The following PKHD1L1 variants were observed in gnomAD, a reference collection of about 807,000 sequenced individuals.
The protein encoded by PKHD1L1 is PKHD1 like 1, also known as fibrocystin-L.
PKHD1L1 carries 434 observed loss-of-function variants against 462.9 expected under a neutral mutation model. That is an observed-to-expected ratio of 0.94 (90% CI 0.87 to 1.02). The LOEUF is 1.02. Among genes scored for constraint, PKHD1L1 ranks in the 50% least tolerant of loss-of-function variants. The probability of loss-of-function intolerance (pLI) is 0.00; values close to 1 mark genes in which losing one functional copy is unlikely to be tolerated. For missense variants in PKHD1L1, 5,202 were observed against 5,096.1 expected, an observed-to-expected ratio of 1.02 and a Z score of -0.63; for synonymous variants, 1,781 against 1,750.0, an observed-to-expected ratio of 1.02 and a Z score of -0.44.
At chr8:109,439,900 A>C (rs1471706195) in intron 32 of PKHD1L1, among the ~76,000 whole-genome samples, 2 of 152,144 alleles carry the variant, frequency 1.3e-5, no homozygotes, top group Admixed American at 6.6e-5. Context: ...GAGCAACATT[A>C]AACATAAACC....
rs148140248 is a variant in PKHD1L1, at chr8:109,527,558, T to C, written c.12721+538T>C. Among the ~76,000 whole-genome samples, 142 of 152,274 alleles carry C rather than the reference T, an allele frequency of 9.3e-4. 2 individuals are homozygous for C. In the East Asian group the frequency reaches 0.026, roughly 28 times the overall value. On this transcript the variant is annotated intron_variant, in intron 77 of 77. Coordinates refer to ENST00000378402, the MANE Select transcript of PKHD1L1 (RefSeq NM_177531.6). ...ATAAATAAATAATGTGAAACAAAAG[T>C]GCAGGTCATATCAGAACTCTTTTTG... is the stretch of plus-strand genomic sequence containing the variant.
chr8:109,445,453 A>G lies in PKHD1L1; in HGVS notation c.5584A>G (p.Thr1862Ala), dbSNP rs925947378. 1.2e-6 allele frequency: 2 copies of G among 1,614,028 alleles called. No individual in the cohort carries two copies. Among genetic ancestry groups the G allele is most frequent in the Non-Finnish European group, 1.7e-6 (2 of 1,179,904 alleles). ...TGNGFYPGNT[T>A]VTIGDEPCQI... ...AAATGGCTTCTATCCAGGCAACACT[A>G]CAGTCACTATTGGGGATGAACCTTG... Residue 1862 changes from threonine to alanine, a missense_variant, in exon 38 of 78, where the codon ACA becomes GCA. Coordinates refer to ENST00000378402, the MANE Select transcript of PKHD1L1 (RefSeq NM_177531.6).
intron 5 of PKHD1L1, 34 bp from the exon 6 acceptor site, chr8:109,385,503 A>G: frequency 6.4e-6 from 9 of 1,416,678 alleles, no homozygotes; most frequent in Non-Finnish European, 7.8e-6. Flanking sequence ...ATTTTCTTAC[A>G]CAGAATCTTT....
chr8:109,375,413 T>C (rs1312539763), intron 2 of PKHD1L1, among the ~76,000 whole-genome samples: 2 of 152,194 alleles, frequency 1.3e-5, no homozygotes, highest in Non-Finnish European at 2.9e-5. Flanking sequence ...TAATTTTTTT[T>C]CAAGGTTTTT....
intron 71 of PKHD1L1, 99 bp downstream of exon 71, chr8:109,511,033 C>A (rs1819948876): frequency 7.5e-7 from 1 of 1,326,394 alleles, no homozygotes; most frequent in Admixed American, 2.2e-5. Context: ...ACATTGTCAG[C>A]CTTACAGCTC....
Position 109,451,055 on chromosome 8 carries a change from G to C in PKHD1L1, c.6256G>C (p.Ala2086Pro). Residue 2086 changes from alanine (A) to proline (P), a missense_variant, in exon 41 of 78, where the codon GCA (alanine) becomes CCA (proline). Physicochemically the swap from Ala to Pro is conservative, Grantham distance 27. This residue lies in a region of PKHD1L1 where 4,497 missense variants were observed against 4,336.8 expected (regional missense o/e 1.04). Transcript: ENST00000378402. ...ACAGTCCATGACTCCGTTTACGTACGCAGTGTCACTGACTCCACTCATCAC... is the reference window on the plus strand; with the variant it reads ...ACAGTCCATGACTCCGTTTACGTACCCAGTGTCACTGACTCCACTCATCAC... ...LSQSMTPFTY[A>P]VSLTPLITAV... 6.2e-7 allele frequency: 1 copy of C among 1,613,792 alleles called. No homozygotes were observed. The highest frequency in any genetic ancestry group is 1.1e-5 in the South Asian group (1 of 91,036).
intron 2 of PKHD1L1, among the ~76,000 whole-genome samples, chr8:109,374,104 G>C (rs999990418): frequency 1.3e-5 from 2 of 152,026 alleles, no homozygotes; most frequent in African/African-American, 4.8e-5. Context: ...ACAGTGGGGT[G>C]TTAGACTCCC....
In PKHD1L1 at chr8:109,401,329, T is replaced by A. The variant is rs111864045; in HGVS notation, c.1282-168T>A. On this transcript the variant is annotated intron_variant, in intron 13 of 77. Transcript: ENST00000378402. ...GTGAACTTTGATAATTTAAAAAAAATTTATAGCATAGTAGATAACAGATCT... is the reference window on the plus strand; with the variant it reads ...GTGAACTTTGATAATTTAAAAAAAAATTATAGCATAGTAGATAACAGATCT... 1.7e-3 allele frequency among the ~76,000 whole-genome samples: 252 copies of A among 152,098 alleles called. 1 individual carries two copies. The highest frequency in any genetic ancestry group is 5.2e-3 in the African/African-American group (216 of 41,518).
intron 2 of PKHD1L1, among the ~76,000 whole-genome samples, chr8:109,377,750 A>G (rs544630570): frequency 3.3e-5 from 5 of 152,276 alleles, no homozygotes; most frequent in Admixed American, 6.5e-5. Flanking sequence ...TACCTTTTTA[A>G]CATTTTTATT....
intron 43 of PKHD1L1, among the ~76,000 whole-genome samples, chr8:109,453,111 A>G (rs1006376350): frequency 6.6e-6 from 1 of 152,214 alleles, no homozygotes; most frequent in African/African-American, 2.4e-5. Context: ...AATAGATTGC[A>G]TGCATATGGG....
chr8:109,446,743 A>T (rs985010570), intron 38 of PKHD1L1, among the ~76,000 whole-genome samples: 65 of 150,308 alleles, frequency 4.3e-4, no homozygotes, highest in Non-Finnish European at 7.7e-4. Flanking sequence ...CTGCCTTTGA[A>T]TTTTTTTTTT....
At chr8:109,472,545 C>T (rs1817775898) in intron 50 of PKHD1L1, among the ~76,000 whole-genome samples, 1 of 151,982 alleles carries the variant, frequency 6.6e-6, no homozygotes, top group African/African-American at 2.4e-5. Flanking sequence ...CTGTGAATAC[C>T]TAGAGGGCCA....
chr8:109,498,177 C>T (rs1315318953), intron 65 of PKHD1L1, among the ~76,000 whole-genome samples: 1 of 49,292 alleles, frequency 2.0e-5, no homozygotes, highest in Non-Finnish European at 3.7e-5. Context: ...TCTCGGCTCA[C>T]TGCAAGCTCC....
At chr8:109,454,663 A>G in intron 44 of PKHD1L1, 60 bp from the exon 45 acceptor site, 1 of 1,590,552 alleles carries the variant, frequency 6.3e-7, no homozygotes, top group East Asian at 2.2e-5. Context: ...CTTTTGTGTG[A>G]TTAGAATTGT....
intron 11 of PKHD1L1, 106 bp downstream of exon 11, chr8:109,396,243 T>G: frequency 1.2e-6 from 1 of 803,484 alleles, no homozygotes; most frequent in South Asian, 1.8e-5. Flanking sequence ...ATGCCTTCAA[T>G]TGGAAGCTGA....
chr8:109,366,691 A>AT (rs373076991), intron 2 of PKHD1L1, among the ~76,000 whole-genome samples: 14,320 of 137,576 alleles, frequency 0.1, 1,396 homozygotes, highest in African/African-American at 0.26. Flanking sequence ...TGTGGTTATG[A>AT]TTTTTTTTTT....
At chr8:109,429,212 G>A (rs1814943489) in intron 25 of PKHD1L1, 128 bp from the exon 26 acceptor site, 1 of 848,544 alleles carries the variant, frequency 1.2e-6, no homozygotes, top group Non-Finnish European at 1.7e-6. Context: ...TGACTACAAT[G>A]GTTTTGAATT....
chr8:109,534,367 G>A lies in PKHD1L1; in HGVS notation c.*4277G>A, dbSNP rs762802017. On this transcript the variant is annotated 3_prime_UTR_variant, in exon 78 of 78. Transcript: ENST00000378402. The stretch of plus-strand genomic sequence containing the variant: ...AGTCTCAGCTAGTCGGGAGGCTGAG[G>A]CAGGAGAATGGTGTGAACCCAGGAG... Among the ~76,000 whole-genome samples, 1 of 152,174 alleles carries A rather than the reference G, an allele frequency of 6.6e-6. No individual in the cohort carries two copies. Among genetic ancestry groups the A allele is most frequent in the Non-Finnish European group, 1.5e-5 (1 of 68,030 alleles).
At chr8:109,454,068 A>G (rs1586549506) in intron 43 of PKHD1L1, 99 bp from the exon 44 acceptor site, 1 of 660,234 alleles carries the variant, frequency 1.5e-6, no homozygotes, top group Non-Finnish European at 2.5e-6. Flanking sequence ...AATTTAATGT[A>G]TAATTTAATA....
Sources: allele counts gnomAD v4.1 joint callset (sites outside exome capture counted in the v4.1 genomes callset), GRCh38; gene constraint gnomAD v4.1.1; regional missense constraint gnomAD v4.1.1; transcripts MANE v1.5; gene names NCBI Gene and HGNC (gene_info 2026-07-23, HGNC 2026-07-21).